Variants in ZFHX3 observed in about 807,000 individuals in gnomAD.
The protein encoded by ZFHX3 is zinc finger homeobox protein 3.
Under a neutral mutation model 279.1 loss-of-function variants are expected in ZFHX3, and 42 were observed. The ratio of observed to expected loss-of-function variants is 0.15; its 90% confidence interval spans 0.12 to 0.19. ZFHX3 has a LOEUF of 0.19. Among genes scored for constraint, ZFHX3 ranks in the 10% least tolerant of loss-of-function variants. The pLI is 1.00. For missense variants in ZFHX3, 4,981 were observed against 4,754.0 expected (o/e 1.05, Z -1.40); for synonymous variants, 2,293 against 1,957.8 (o/e 1.17, Z -4.52).
intron 2 of ZFHX3, among the ~76,000 whole-genome samples, chr16:73,678,392 A>G (rs1034763755): frequency 1.3e-5 from 2 of 152,202 alleles, no homozygotes; most frequent in African/African-American, 2.4e-5. Context: ...ACCTTAAAGA[A>G]TATATACAAA....
chr16:73,606,701 T>C (rs1200139915), intron 2 of ZFHX3, among the ~76,000 whole-genome samples: 1 of 152,142 alleles, frequency 6.6e-6, no homozygotes, highest in Non-Finnish European at 1.5e-5. Context: ...CCAGCATGCA[T>C]TAGCTATTTT....
intron 2 of ZFHX3, among the ~76,000 whole-genome samples, chr16:73,581,094 G>T (rs1038633253): frequency 6.6e-6 from 1 of 151,646 alleles, no homozygotes; most frequent in Non-Finnish European, 1.5e-5. Context: ...TGCTCGTCTT[G>T]CCTTTTCTAG....
chr16:72,894,558 C>T (rs1437373498), intron 3 of ZFHX3, among the ~76,000 whole-genome samples: 1 of 152,174 alleles, frequency 6.6e-6, no homozygotes, highest in African/African-American at 2.4e-5. Context: ...GAGCACTCCA[C>T]GGGGCCAGTC....
chr16:73,562,722 A>G (rs552840931), intron 2 of ZFHX3, among the ~76,000 whole-genome samples: 5 of 152,222 alleles, frequency 3.3e-5, no homozygotes, highest in Admixed American at 2.6e-4. Flanking sequence ...GGGTCAAAAA[A>G]AAAAAGAACA....
At chr16:73,679,311 A>G (rs908341987) in intron 2 of ZFHX3, among the ~76,000 whole-genome samples, 1 of 152,100 alleles carries the variant, frequency 6.6e-6, no homozygotes, top group Non-Finnish European at 1.5e-5. Flanking sequence ...TGAAAAGTAT[A>G]TTTCTATGGC....
intron 1 of ZFHX3, among the ~76,000 whole-genome samples, chr16:73,038,490 T>A (rs909652486): frequency 6.6e-6 from 1 of 152,218 alleles, no homozygotes; most frequent in Non-Finnish European, 1.5e-5. Flanking sequence ...AGCCATCCAA[T>A]ATGACGGCCA....
chr16:73,396,620 G>GGA (rs890629110), intron 3 of ZFHX3, among the ~76,000 whole-genome samples: 5 of 152,220 alleles, frequency 3.3e-5, no homozygotes, highest in South Asian at 2.1e-4. Flanking sequence ...TATGGCAGCA[G>GGA]GAGAGAGAGA....
At chr16:72,907,751 T>C (rs2039219343) in intron 3 of ZFHX3, among the ~76,000 whole-genome samples, 1 of 151,390 alleles carries the variant, frequency 6.6e-6, no homozygotes, top group African/African-American at 2.4e-5. Context: ...TGGCAGGATC[T>C]CGGCTCACTG....
chr16:73,010,353 T>G (rs187544528), intron 1 of ZFHX3, among the ~76,000 whole-genome samples: 17 of 152,248 alleles, frequency 1.1e-4, no homozygotes, highest in African/African-American at 3.8e-4. Context: ...CCACTGCCGC[T>G]AAAACAAAAG....
intron 3 of ZFHX3, among the ~76,000 whole-genome samples, chr16:73,351,711 T>A (rs2016244959): frequency 6.6e-6 from 1 of 152,298 alleles, no homozygotes; most frequent in East Asian, 1.9e-4. Flanking sequence ...AACGCTTCAA[T>A]GTTTAACCTC....
At chr16:72,953,162 A>C (rs929295934) in intron 2 of ZFHX3, among the ~76,000 whole-genome samples, 1 of 152,228 alleles carries the variant, frequency 6.6e-6, no homozygotes, top group African/African-American at 2.4e-5. Context: ...AGCAAGCCAC[A>C]GAAATCTTTT....
chr16:73,510,800 C>T (rs751039330), intron 2 of ZFHX3, among the ~76,000 whole-genome samples: 2 of 152,246 alleles, frequency 1.3e-5, no homozygotes, highest in African/African-American at 4.8e-5. Flanking sequence ...CATGTCCTTG[C>T]TCTGGCCAAC....
chr16:73,507,402 A>G (rs570439576), intron 2 of ZFHX3, among the ~76,000 whole-genome samples: 1 of 150,628 alleles, frequency 6.6e-6, no homozygotes, highest in Non-Finnish European at 1.5e-5. Context: ...TAAACCAGGT[A>G]CTTTGTGTCC....
At chr16:73,550,364 C>T (rs2020185949) in intron 2 of ZFHX3, among the ~76,000 whole-genome samples, 1 of 152,156 alleles carries the variant, frequency 6.6e-6, no homozygotes, top group African/African-American at 2.4e-5. Flanking sequence ...GGACGATAAA[C>T]TTGACGGGAC....
intron 3 of ZFHX3, among the ~76,000 whole-genome samples, chr16:72,916,956 A>C (rs899390802): frequency 2.0e-5 from 3 of 152,184 alleles, no homozygotes; most frequent in African/African-American, 7.2e-5. Flanking sequence ...AAGCAGAAGA[A>C]GGCCAGGTGC....
chr16:73,792,862 C>T (rs1033359641), intron 1 of ZFHX3, among the ~76,000 whole-genome samples: 1 of 146,824 alleles, frequency 6.8e-6, no homozygotes, highest in Admixed American at 6.7e-5. Context: ...GTGCACCCCC[C>T]CCCTCCCCTC....
chr16:73,280,591 T>A (rs1245448701), intron 4 of ZFHX3, among the ~76,000 whole-genome samples: 10 of 151,788 alleles, frequency 6.6e-5, no homozygotes, highest in South Asian at 4.2e-4. Context: ...ACTCATATTT[T>A]AAAAAAAAGG....
Position 72,872,807 on chromosome 16 carries a change from T to C in ZFHX3, c.3448+16924A>G, listed in dbSNP as rs1163390980. ...TGATATTCACACTCACCTACACGCC[T>C]TTCAAAAGATGGTGGGGGGTGGGGG... On this transcript the variant is annotated intron_variant, in intron 4 of 9. Coordinates refer to ENST00000268489, the MANE Select transcript of ZFHX3 (RefSeq NM_006885.4). Among the ~76,000 whole-genome samples the C allele has an allele frequency of 3.9e-5, 6 of 152,148 alleles. No homozygotes were observed. The East Asian group carries it at 1.2e-3, about 29-fold the overall frequency.
chr16:73,406,279 T>C (rs1356552357), intron 3 of ZFHX3, among the ~76,000 whole-genome samples: 1 of 152,232 alleles, frequency 6.6e-6, no homozygotes, highest in African/African-American at 2.4e-5. Flanking sequence ...ATGTGGGTTT[T>C]CCTATCCTTT....
Sources: gnomAD v4.1 joint callset for allele counts (sites outside exome capture counted in the v4.1 genomes callset) on GRCh38, gnomAD v4.1.1 for gene constraint, MANE v1.5 for transcripts, NCBI Gene and HGNC (gene_info 2026-07-23, HGNC 2026-07-21) for gene names.